The following CNTN5 variants were observed in gnomAD, a reference collection of about 807,000 sequenced individuals.
The protein encoded by CNTN5 is contactin 5.
CNTN5 carries 77 observed loss-of-function variants against 129.1 expected under a neutral mutation model. That is an observed-to-expected ratio of 0.60 (90% CI 0.50 to 0.72). The LOEUF (loss-of-function observed/expected upper bound fraction) is 0.72, where lower values mean the gene tolerates loss of function less well. Ranked by LOEUF, CNTN5 falls within the 30% of genes least tolerant of loss-of-function variation. CNTN5 has a pLI of 0.00. For synonymous variants in CNTN5, 509 were observed against 465.6 expected, an observed-to-expected ratio of 1.09 and a Z score of -1.20; for missense variants, 1,478 against 1,328.8, an observed-to-expected ratio of 1.11 and a Z score of -1.75.
intron 13 of CNTN5, among the ~76,000 whole-genome samples, chr11:100,095,762 T>A (rs1210406477): frequency 6.6e-6 from 1 of 152,102 alleles, no homozygotes; most frequent in Non-Finnish European, 1.5e-5. Flanking sequence ...TTTCTCAAGC[T>A]GGGAGAGAAA....
At chr11:99,768,621 C>T (rs190850916) in intron 3 of CNTN5, among the ~76,000 whole-genome samples, 14 of 152,098 alleles carry the variant, frequency 9.2e-5, no homozygotes, top group Admixed American at 2.6e-4. Context: ...TTTGGATTTA[C>T]GTGATGATTT....
chr11:100,022,436 T>C (rs1941211060), intron 9 of CNTN5, among the ~76,000 whole-genome samples: 1 of 152,200 alleles, frequency 6.6e-6, no homozygotes, highest in Non-Finnish European at 1.5e-5. Context: ...TACCTTCTTT[T>C]GTGTTAATGG....
intron 13 of CNTN5, among the ~76,000 whole-genome samples, chr11:100,177,763 T>C (rs1291012036): frequency 6.6e-6 from 1 of 152,166 alleles, no homozygotes; most frequent in Non-Finnish European, 1.5e-5. Context: ...TGTTCAGTGT[T>C]AAATTGAATA....
intron 2 of CNTN5, among the ~76,000 whole-genome samples, chr11:99,477,891 C>T (rs1017286401): frequency 6.6e-6 from 1 of 150,638 alleles, no homozygotes; most frequent in Non-Finnish European, 1.5e-5. Context: ...ATTGGAGGTA[C>T]AATATAATTA....
chr11:99,523,239 A>G (rs927613908), intron 2 of CNTN5, among the ~76,000 whole-genome samples: 6 of 152,124 alleles, frequency 3.9e-5, no homozygotes, highest in Non-Finnish European at 7.4e-5. Flanking sequence ...TACTCTTATT[A>G]TTGCTCTTAT....
intron 3 of CNTN5, among the ~76,000 whole-genome samples, chr11:99,789,197 G>T (rs939066514): frequency 1.3e-5 from 2 of 151,778 alleles, no homozygotes; most frequent in African/African-American, 4.8e-5. Context: ...TACAAATTAT[G>T]ATTATGAAAC....
At chr11:99,354,941 C>T (rs1938539840) in intron 2 of CNTN5, among the ~76,000 whole-genome samples, 1 of 152,186 alleles carries the variant, frequency 6.6e-6, no homozygotes, top group African/African-American at 2.4e-5. Flanking sequence ...CCCCTCTCTC[C>T]TAAATACTAT....
intron 2 of CNTN5, among the ~76,000 whole-genome samples, chr11:99,403,413 C>T (rs2136217159): frequency 6.6e-6 from 1 of 152,134 alleles, no homozygotes; most frequent in African/African-American, 2.4e-5. Context: ...GGTGGGTTTA[C>T]TCTTCCTTAT....
intron 9 of CNTN5, among the ~76,000 whole-genome samples, chr11:100,045,908 A>G (rs921215767): frequency 6.6e-6 from 1 of 152,160 alleles, no homozygotes; most frequent in African/African-American, 2.4e-5. Context: ...ACACCTGAGC[A>G]ATGAAGAAAG....
At chr11:99,681,952 A>T (rs1221388552) in intron 3 of CNTN5, among the ~76,000 whole-genome samples, 1 of 152,050 alleles carries the variant, frequency 6.6e-6, no homozygotes, top group African/African-American at 2.4e-5. Context: ...CTCAGGAATA[A>T]CTCACAAAGC....
intron 1 of CNTN5, among the ~76,000 whole-genome samples, chr11:99,314,429 T>C (rs888080554): frequency 6.6e-6 from 1 of 152,118 alleles, no homozygotes; most frequent in Non-Finnish European, 1.5e-5. Context: ...CATGTACACT[T>C]GGACATAGAG....
chr11:100,181,199 A>G (rs1948129550), intron 13 of CNTN5, among the ~76,000 whole-genome samples: 1 of 152,046 alleles, frequency 6.6e-6, no homozygotes, highest in African/African-American at 2.4e-5. Context: ...TGGTACATCC[A>G]TAGCATGGAT....
chr11:99,530,210 C>A (rs891672213), intron 2 of CNTN5, among the ~76,000 whole-genome samples: 8 of 152,242 alleles, frequency 5.3e-5, no homozygotes, highest in African/African-American at 1.9e-4. Flanking sequence ...TTGGCCTGCT[C>A]CTGCATTACT....
chr11:100,226,539 A>G (rs1036374348), intron 16 of CNTN5, among the ~76,000 whole-genome samples: 2 of 152,112 alleles, frequency 1.3e-5, no homozygotes, highest in Admixed American at 6.6e-5. Context: ...AAATGCATAA[A>G]TTTTCGGATT....
intron 3 of CNTN5, among the ~76,000 whole-genome samples, chr11:99,730,423 G>A (rs891514910): frequency 1.3e-5 from 2 of 152,186 alleles, no homozygotes; most frequent in Non-Finnish European, 2.9e-5. Flanking sequence ...ATCTGTTCAA[G>A]ACTATATTGG....
intron 1 of CNTN5, among the ~76,000 whole-genome samples, chr11:99,251,721 A>T (rs951662746): frequency 1.3e-5 from 2 of 151,990 alleles, no homozygotes; most frequent in Non-Finnish European, 1.5e-5. Context: ...ATAATCCAAT[A>T]TGAAAACACA....
chr11:100,152,775 T>A (rs1461078596), intron 13 of CNTN5, among the ~76,000 whole-genome samples: 1 of 152,114 alleles, frequency 6.6e-6, no homozygotes, highest in Non-Finnish European at 1.5e-5. Context: ...CTACTCTGTA[T>A]GAGTAAAATC....
At chr11:99,478,566 G>T (rs1172434055) in intron 2 of CNTN5, among the ~76,000 whole-genome samples, 2 of 152,060 alleles carry the variant, frequency 1.3e-5, no homozygotes, top group African/African-American at 4.8e-5. Context: ...ATCTTTGAGG[G>T]CCATCTTGGC....
chr11:100,350,720 G>T lies in CNTN5; in HGVS notation c.3049G>T (p.Gly1017Cys). The change falls in exon 24 of 25, where the codon GGT becomes TGT. Residue 1017 changes from glycine to cysteine, a missense_variant. Transcript: ENST00000524871. ...VGYKVFYRQE[G>C]HSNSQVIETQ... Reference sequence around the variant, plus strand: ...CTCTCAGGTTTTTTATAGGCAAGAGGGTCACAGCAACAGCCAAGTTATTGA... The same window carrying T: ...CTCTCAGGTTTTTTATAGGCAAGAGTGTCACAGCAACAGCCAAGTTATTGA... The T allele has an allele frequency of 6.2e-7, 1 of 1,605,868 alleles. No homozygotes were observed. The highest frequency in any genetic ancestry group is 8.5e-7 in the Non-Finnish European group (1 of 1,175,174).
Sources: allele counts gnomAD v4.1 joint callset (sites outside exome capture counted in the v4.1 genomes callset), GRCh38; gene constraint gnomAD v4.1.1; transcripts MANE v1.5; gene names NCBI Gene and HGNC (gene_info 2026-07-23, HGNC 2026-07-21).